ZNF285: variants seen among roughly 807,000 people sequenced by gnomAD.
The protein encoded by ZNF285 is zinc finger protein 285A.
A neutral mutation model predicts 6.2 loss-of-function variants in ZNF285; 4 were observed. That is an observed-to-expected ratio of 0.65 (90% CI 0.32 to 1.49). The LOEUF (loss-of-function observed/expected upper bound fraction) is 1.49. ZNF285 is among the 40% of genes most tolerant of loss of function. The pLI, the probability that ZNF285 is intolerant of heterozygous loss-of-function variation, is 0.07. For synonymous variants in ZNF285, 240 were observed against 245.8 expected, an observed-to-expected ratio of 0.98 and a Z score of 0.22; for missense variants, 695 against 708.8, an observed-to-expected ratio of 0.98 and a Z score of 0.22.
rs139537805 is a variant in ZNF285, at chr19:44,397,394, A to T, written c.-43-138T>A. 5,532 of 975,424 alleles carry T rather than the reference A, an allele frequency of 5.7e-3. 155 individuals carry two copies. Among genetic ancestry groups the T allele is most frequent in the East Asian group, 0.02 (767 of 37,978 alleles). 60.4% of individuals were successfully genotyped at this position (975,424 alleles called of 1,614,324 possible). ...TCTCTTCTCGCTCTGAACAGACTGAACTCCCACCTCCTCAAGACTTCCCTA... is the reference window on the plus strand; with the variant it reads ...TCTCTTCTCGCTCTGAACAGACTGATCTCCCACCTCCTCAAGACTTCCCTA... On this transcript the variant is annotated intron_variant, in intron 1 of 3. Transcript: ENST00000614994.
rs1715870439 is a variant in ZNF285 at position 44,384,505 on chromosome 19, A to T, written c.*1967T>A. The T allele has an allele frequency of 1.3e-5, 2 of 152,192 alleles. No homozygotes were observed. The highest frequency in any genetic ancestry group is 6.5e-5 in the Admixed American group (1 of 15,286). The allele number at this position is 152,192 out of a possible 1,614,324, so 9.4% of individuals were successfully genotyped here. A position where few individuals can be genotyped will look rare whatever the true frequency, so the allele number is the denominator to read the frequency against. Reference sequence around the variant, plus strand: ...AGAATTTTTAAAATATTTCACTATTATCCACCTGATCAGTAAGAAAATGAC... The same window carrying T: ...AGAATTTTTAAAATATTTCACTATTTTCCACCTGATCAGTAAGAAAATGAC... On this transcript the variant is annotated 3_prime_UTR_variant, in exon 4 of 4. Coordinates refer to ENST00000614994, the MANE Select transcript of ZNF285 (RefSeq NM_152354.6).
chr19:44,387,740 T>C lies in ZNF285; in HGVS notation c.505A>G (p.Ile169Val). The C allele has an allele frequency of 6.2e-7, 1 of 1,613,902 alleles. No individual in the cohort carries two copies. Among genetic ancestry groups the C allele is most frequent in the Non-Finnish European group, 8.5e-7 (1 of 1,179,840 alleles). Residue 169 changes from isoleucine (I) to valine (V), a missense_variant, in exon 4 of 4, where the codon ATT becomes GTT. Coordinates refer to ENST00000614994, the MANE Select transcript of ZNF285 (RefSeq NM_152354.6). ...CTGTACAATTTCTCTTCCATGTAAA[T>C]TCCCTTATATCTTCCCTGAGAGTTC... Reference protein sequence around the residue: ...PQNSQGRYKGIYMEEKLYRRA... With the variant: ...PQNSQGRYKGVYMEEKLYRRA...
intron 2 of ZNF285, among the ~76,000 whole-genome samples, chr19:44,393,097 A>G (rs544490350): frequency 6.6e-6 from 1 of 152,304 alleles, no homozygotes; most frequent in South Asian, 2.1e-4. Context: ...AAATTTCTTG[A>G]GTATGTTAGC....
At chr19:44,392,724 T>C in intron 2 of ZNF285, 1 of 637,938 alleles carries the variant, frequency 1.6e-6, no homozygotes, top group Non-Finnish European at 2.8e-6. Flanking sequence ...CAAGCTCTGT[T>C]GAGGCTCTCA....
chr19:44,387,078 G>T lies in ZNF285; in HGVS notation c.1167C>A (p.Val389=). 1 of 1,614,086 alleles carries T rather than the reference G, an allele frequency of 6.2e-7. No individual in the cohort carries two copies. Among genetic ancestry groups the T allele is most frequent in the Non-Finnish European group, 8.5e-7 (1 of 1,180,012 alleles). The part of the protein sequence containing the change: ...KGFDQSSNLL[V]HQRVHTGEKP... ...TCTCTCCAGTGTGGACTCTCTGATG[G>T]ACAAGAAGGTTGGAGCTCTGATCAA... is the stretch of plus-strand genomic sequence containing the variant. The change falls in exon 4 of 4, where the codon GTC becomes GTA. Residue 389 remains valine (V), a synonymous_variant. Transcript: ENST00000614994.
intron 2 of ZNF285, chr19:44,394,576 T>A (rs549272575): frequency 5.9e-5 from 34 of 577,310 alleles, no homozygotes; most frequent in East Asian, 3.5e-4. Context: ...AAGAAAATTT[T>A]AAAAAATTAA....
At chr19:44,394,942 T>C (rs531744095) in intron 2 of ZNF285, among the ~76,000 whole-genome samples, 1 of 152,140 alleles carries the variant, frequency 6.6e-6, no homozygotes, top group Non-Finnish European at 1.5e-5. Flanking sequence ...ACAGATACAC[T>C]GAAGCTTACT....
Position 44,386,512 on chromosome 19 carries a change from A to G in ZNF285, c.1733T>C (p.Leu578Pro), listed in dbSNP as rs148795043. The change falls in exon 4 of 4, where the codon CTG becomes CCG. Residue 578 changes from leucine (L) to proline (P), a missense_variant. Coordinates refer to ENST00000614994, the MANE Select transcript of ZNF285 (RefSeq NM_152354.6). ...YTHCERGKDL[L>P]THQRLHEQRE... ...CTGCTCATGTAGTCTTTGATGAGTC[A>G]GAAGGTCCTTTCCACGCTCACAGTG... 7.8e-3 allele frequency: 12,595 copies of G among 1,610,912 alleles called. 69 individuals are homozygous for G. Among genetic ancestry groups the G allele is most frequent in the African/African-American group, 0.022 (1,679 of 74,902 alleles).
chr19:44,400,028 T>C (rs1255859471), intron 1 of ZNF285, among the ~76,000 whole-genome samples: 1 of 150,302 alleles, frequency 6.7e-6, no homozygotes, highest in African/African-American at 2.5e-5. Context: ...CTTCTTCCTC[T>C]CTCCAAACTT....
rs1971063775 is a variant in ZNF285 at position 44,386,080 on chromosome 19, T to A, written c.*392A>T. 5.5e-6 allele frequency: 1 copy of A among 181,462 alleles called. No homozygotes were observed. The highest frequency in any genetic ancestry group is 5.3e-5 in the Admixed American group (1 of 18,832). The allele number at this position is 181,462 out of a possible 1,614,324, so 11.2% of individuals were successfully genotyped here. On this transcript the variant is annotated 3_prime_UTR_variant, in exon 4 of 4. Coordinates refer to ENST00000614994, the MANE Select transcript of ZNF285 (RefSeq NM_152354.6). ...TGAGCACACTTTTGAATGTTCTTCA[T>A]ACAGAGAGTATTTTTCTACTGGGGA...
chr19:44,388,177 G>A, intron 3 of ZNF285, 75 bp from the exon 4 acceptor site: 2 of 1,384,830 alleles, frequency 1.4e-6, no homozygotes, highest in Non-Finnish European at 2.0e-6. Context: ...AATGTAATAT[G>A]ATGGGGTGGG....
In ZNF285 at chr19:44,386,301, TC is replaced by T. The variant is rs1448997348; in HGVS notation, c.*170del. On this transcript the variant is annotated 3_prime_UTR_variant, in exon 4 of 4. Coordinates refer to ENST00000614994, the MANE Select transcript of ZNF285 (RefSeq NM_152354.6). The stretch of plus-strand genomic sequence containing the variant: ...CAGTTGATGGGAGCTTCACAGAAGT[TC>T]TTGAAATCCACAGTCCTTGCCTGGC... 1.3e-5 allele frequency: 9 copies of T among 706,980 alleles called. No homozygotes were observed. The highest frequency in any genetic ancestry group is 9.0e-5 in the Admixed American group (3 of 33,434). The allele number at this position is 706,980 out of a possible 1,614,324, so 43.8% of individuals were successfully genotyped here.
intron 1 of ZNF285, among the ~76,000 whole-genome samples, chr19:44,397,779 G>A (rs8109347): frequency 0.11 from 16,562 of 151,880 alleles, 1,589 homozygotes; most frequent in East Asian, 0.42. Context: ...AGCTACTCAG[G>A]AGGCTGAGGC....
At position 44,386,919 on chromosome 19, in the gene ZNF285, G is replaced by T; in HGVS notation, c.1326C>A (p.His442Gln). The T allele has an allele frequency of 7.4e-6, 12 of 1,614,084 alleles. No homozygotes were observed. The highest frequency in any genetic ancestry group is 1.0e-5 in the Non-Finnish European group (12 of 1,180,006). ...ECGKGFSQCT[H>Q]LHIHQRVHTG... is the part of the protein sequence containing the mutation. ...TGTGGACTCTCTGGTGAATGTGAAG[G>T]TGTGTACATTGGCTGAAGCCCTTTC... The change falls in exon 4 of 4, where the codon CAC becomes CAA. Residue 442 changes from histidine (H) to glutamine (Q), a missense_variant. His to Gln is a conservative substitution (Grantham distance 24, BLOSUM62 0). Coordinates refer to ENST00000614994, the MANE Select transcript of ZNF285 (RefSeq NM_152354.6).
chr19:44,401,356 A>C (rs552332080), intron 1 of ZNF285: 1 of 152,192 alleles, frequency 6.6e-6, no homozygotes, highest in East Asian at 1.9e-4. Context: ...AACCGAGCCC[A>C]CGCTCGAGCC....
rs1971109974 is a variant in ZNF285, at chr19:44,387,505, G to A, written c.740C>T (p.Pro247Leu). Residue 247 changes from proline (P) to leucine (L), a missense_variant, in exon 4 of 4, where the codon CCT (proline) becomes CTT (leucine). Coordinates refer to ENST00000614994, the MANE Select transcript of ZNF285 (RefSeq NM_152354.6). ...TAGGTGAGTGCTGTGATGGACATGA[G>A]GATCTGTATCATCTGCAAAGGCCAC... ...CGVAFADDTD[P>L]HVHHSTHLGE... The A allele has an allele frequency of 6.2e-7, 1 of 1,613,834 alleles. No homozygotes were observed. Among genetic ancestry groups the A allele is most frequent in the African/African-American group, 1.3e-5 (1 of 74,914 alleles).
chr19:44,383,633 T>C lies in ZNF285; in HGVS notation c.*2839A>G, dbSNP rs547552355. 3 of 152,296 alleles carry C rather than the reference T, an allele frequency of 2.0e-5. No homozygotes were observed. The East Asian group carries it at 5.8e-4, about 29-fold the overall frequency. The allele number at this position is 152,296 out of a possible 1,614,324, so 9.4% of individuals were successfully genotyped here. ...GCTCACACATCATGAGCTAAATAAA[T>C]ATGTATTTAGAGCTACTCAGTTCTT... On this transcript the variant is annotated 3_prime_UTR_variant, in exon 4 of 4. Coordinates refer to ENST00000614994, the MANE Select transcript of ZNF285 (RefSeq NM_152354.6).
intron 2 of ZNF285, 104 bp downstream of exon 2, chr19:44,397,095 A>G (rs1319969094): frequency 6.5e-7 from 1 of 1,532,688 alleles, no homozygotes; most frequent in Non-Finnish European, 9.0e-7. Context: ...AGTACCTAAT[A>G]CATAGTAGTC....
At chr19:44,396,415 G>T (rs1027904356) in intron 2 of ZNF285, among the ~76,000 whole-genome samples, 5 of 152,132 alleles carry the variant, frequency 3.3e-5, no homozygotes, top group African/African-American at 9.7e-5. Flanking sequence ...CTAAGCTACA[G>T]TCCTCAGTTA....
Sources: allele counts gnomAD v4.1 joint callset (sites outside exome capture counted in the v4.1 genomes callset), GRCh38; gene constraint gnomAD v4.1.1; transcripts MANE v1.5; gene names NCBI Gene and HGNC (gene_info 2026-07-23, HGNC 2026-07-21).